Variants in DGKI observed in about 807,000 individuals in gnomAD.
DGKI encodes the protein diacylglycerol kinase iota, also known as DAG kinase iota.
DGKI carries 55 observed loss-of-function variants against 147.5 expected under a neutral mutation model. That is an observed-to-expected ratio of 0.37 (90% CI 0.30 to 0.47). The LOEUF (loss-of-function observed/expected upper bound fraction) is 0.47. DGKI is among the 20% of genes least tolerant of loss of function. DGKI has a pLI of 1.00. For missense variants in DGKI, 1,007 were observed against 1,323.8 expected (o/e 0.76, Z 3.71); for synonymous variants, 469 against 477.1 (o/e 0.98, Z 0.22).
intron 1 of DGKI, among the ~76,000 whole-genome samples, chr7:137,691,093 G>A (rs1823587679): frequency 6.6e-6 from 1 of 152,146 alleles, no homozygotes; most frequent in Non-Finnish European, 1.5e-5. Context: ...TTGTGATGCT[G>A]CAACTCTGAG....
chr7:137,620,012 TACACACGCACACAC>T (rs1820684149), intron 7 of DGKI, 72 bp from the exon 8 acceptor site: 7 of 714,918 alleles, frequency 9.8e-6, no homozygotes, highest in African/African-American at 2.3e-5. Context: ...GATAAATATG[TACACACGCACACAC>T]ACACACACAC....
chr7:137,513,077 C>G (rs1816630677), intron 21 of DGKI, among the ~76,000 whole-genome samples: 1 of 152,158 alleles, frequency 6.6e-6, no homozygotes, highest in South Asian at 2.1e-4. Context: ...CTATTTCAAA[C>G]CTTCCTCTTT....
chr7:137,454,443 G>C (rs116764685), intron 27 of DGKI, among the ~76,000 whole-genome samples: 2,887 of 152,240 alleles, frequency 0.019, 107 homozygotes, highest in African/African-American at 0.066. Flanking sequence ...AGTTTGAAAT[G>C]TGAGAGATTG....
chr7:137,678,165 C>T lies in DGKI; in HGVS notation c.606+392G>A, dbSNP rs976956580. ...CACCTTCACCCACCAGTAAAGCCCC[C>T]ACTGTGGCCACTTCCCTACAGACAG... On this transcript the variant is annotated intron_variant, in intron 3 of 32. Transcript: ENST00000614521. Among the ~76,000 whole-genome samples, 3 of 152,234 alleles carry T rather than the reference C, an allele frequency of 2.0e-5. No homozygotes were observed. The South Asian group carries it at 6.2e-4, about 32-fold the overall frequency.
At chr7:137,521,257 T>C (rs966253830) in intron 21 of DGKI, among the ~76,000 whole-genome samples, 20 of 152,034 alleles carry the variant, frequency 1.3e-4, no homozygotes, top group Non-Finnish European at 4.4e-5. Flanking sequence ...ACTAGTGAGA[T>C]GAACTAACAA....
chr7:137,807,031 C>T (rs1474361038), intron 1 of DGKI, among the ~76,000 whole-genome samples: 1 of 152,192 alleles, frequency 6.6e-6, no homozygotes, highest in Non-Finnish European at 1.5e-5. Context: ...CATTTAAGAA[C>T]TATGCTAAAC....
intron 23 of DGKI, among the ~76,000 whole-genome samples, chr7:137,480,010 T>C (rs1366483268): frequency 6.6e-6 from 1 of 152,188 alleles, no homozygotes; most frequent in Admixed American, 6.6e-5. Context: ...AGAAATGGCA[T>C]AGCCATTCTT....
intron 29 of DGKI, among the ~76,000 whole-genome samples, chr7:137,408,664 C>T (rs561737590): frequency 6.6e-6 from 1 of 151,850 alleles, no homozygotes. Flanking sequence ...CAGAGTGAGA[C>T]CCAAAATGAT....
At chr7:137,473,246 C>G (rs1196181035) in intron 23 of DGKI, among the ~76,000 whole-genome samples, 1 of 152,132 alleles carries the variant, frequency 6.6e-6, no homozygotes, top group Non-Finnish European at 1.5e-5. Flanking sequence ...GTTTGATCTA[C>G]AGAAACATCT....
intron 23 of DGKI, among the ~76,000 whole-genome samples, chr7:137,475,696 C>A (rs960149603): frequency 6.6e-6 from 1 of 152,224 alleles, no homozygotes; most frequent in Admixed American, 6.5e-5. Flanking sequence ...GTGGCCACTA[C>A]ACTAGGAACC....
intron 27 of DGKI, among the ~76,000 whole-genome samples, chr7:137,457,290 C>A (rs958116924): frequency 2.6e-5 from 4 of 152,132 alleles, no homozygotes; most frequent in African/African-American, 7.2e-5. Flanking sequence ...AACCTGCATC[C>A]CACTAAGAAG....
intron 21 of DGKI, among the ~76,000 whole-genome samples, chr7:137,496,993 G>A (rs13340530): frequency 0.05 from 7,577 of 151,744 alleles, 630 homozygotes; most frequent in African/African-American, 0.17. Context: ...TGCACAGCAA[G>A]AGAAACTATC....
chr7:137,472,321 T>TATATGTATATATACATATA (rs1814974839), intron 23 of DGKI, among the ~76,000 whole-genome samples: 1 of 3,672 alleles, frequency 2.7e-4, no homozygotes, highest in African/African-American at 6.2e-4. Context: ...TACATATAAT[T>TATATGTATATATACATATA]ATTATATGTA....
chr7:137,528,895 T>G (rs577174176), intron 20 of DGKI, among the ~76,000 whole-genome samples: 1 of 152,260 alleles, frequency 6.6e-6, no homozygotes, highest in African/African-American at 2.4e-5. Flanking sequence ...TATTAGCCCA[T>G]CTACCACCAT....
chr7:137,467,172 T>C (rs1292045228), intron 24 of DGKI, among the ~76,000 whole-genome samples: 2 of 152,192 alleles, frequency 1.3e-5, no homozygotes, highest in African/African-American at 4.8e-5. Flanking sequence ...ATCATACTTG[T>C]CTTTAAAGAA....
At chr7:137,757,463 C>T (rs1795723410) in intron 1 of DGKI, among the ~76,000 whole-genome samples, 1 of 152,136 alleles carries the variant, frequency 6.6e-6, no homozygotes, top group African/African-American at 2.4e-5. Context: ...GCCCCTCTTC[C>T]TCTCCATGTG....
intron 23 of DGKI, among the ~76,000 whole-genome samples, chr7:137,472,407 GTA>G (rs1815011364): frequency 8.0e-6 from 1 of 124,800 alleles, no homozygotes; most frequent in Non-Finnish European, 1.6e-5. Context: ...ATTATTATAT[GTA>G]TATATACATA....
rs551717661 is a variant in DGKI, at chr7:137,486,463, T to A, written c.2329-1045A>T. Among the ~76,000 whole-genome samples the A allele has an allele frequency of 3.3e-5, 5 of 152,246 alleles. No homozygotes were observed. The South Asian group carries it at 1.0e-3, about 32-fold the overall frequency. On this transcript the variant is annotated intron_variant, in intron 22 of 32. Transcript: ENST00000614521. ...ACAAACATTATTTTGGGAAATGAGA[T>A]ACTAGAAGTTTGGGAACATATTAAC...
intron 27 of DGKI, chr7:137,453,036 A>C (rs1814038701): frequency 6.6e-6 from 1 of 152,232 alleles, no homozygotes. Context: ...CATTCTCTCC[A>C]GGCACATTTC....
Sources: gnomAD v4.1 joint callset for allele counts (sites outside exome capture counted in the v4.1 genomes callset) on GRCh38, gnomAD v4.1.1 for gene constraint, MANE v1.5 for transcripts, NCBI Gene and HGNC (gene_info 2026-07-23, HGNC 2026-07-21) for gene names.